SLC25A17: variants seen among roughly 807,000 people sequenced by gnomAD.
The protein encoded by SLC25A17 is peroxisomal membrane protein PMP34.
SLC25A17 carries 26 observed loss-of-function variants against 38.5 expected under a neutral mutation model. The ratio of observed to expected loss-of-function variants is 0.68; its 90% CI spans 0.50 to 0.94. The LOEUF is 0.94. Ranked by LOEUF, SLC25A17 falls within the 40% of genes least tolerant of loss-of-function variation. SLC25A17 has a pLI of 0.00. For missense variants in SLC25A17, 333 were observed against 372.7 expected (o/e 0.89, Z 0.88); for synonymous variants, 139 against 136.2 (o/e 1.02, Z -0.14).
rs1285747797 is a variant in SLC25A17 at position 40,799,183 on chromosome 22, G to A, written c.55-100C>T. The stretch of plus-strand genomic sequence containing the variant: ...ATCTTGCTCTGTCATCTAGGCTGGA[G>A]TGCAGTGGTTTACGGCAGCCTTGAA... On this transcript the variant is annotated intron_variant, in intron 1 of 8. Coordinates refer to ENST00000435456, the MANE Select transcript of SLC25A17 (RefSeq NM_006358.4). 5 of 616,838 alleles carry A rather than the reference G, an allele frequency of 8.1e-6. No individual in the cohort carries two copies. In the African/African-American group the frequency reaches 1.5e-4, roughly 19 times the overall value. 38.2% of individuals were successfully genotyped at this position (616,838 alleles called of 1,614,324 possible). A position where few individuals can be genotyped will look rare whatever the true frequency, so the allele number is the denominator to read the frequency against.
chr22:40,771,622 C>G (rs1033315579), intron 8 of SLC25A17, among the ~76,000 whole-genome samples: 5 of 152,040 alleles, frequency 3.3e-5, no homozygotes, highest in Non-Finnish European at 5.9e-5. Context: ...AGACAAATAT[C>G]GCATGTTCTC....
In SLC25A17 at chr22:40,789,918, G is replaced by A. The variant is rs2057370103; in HGVS notation, c.334+2607C>T. Among the ~76,000 whole-genome samples the A allele has an allele frequency of 6.6e-6, 1 of 151,812 alleles. No individual in the cohort carries two copies. ...GACCTCCCAAACTGCTGGGATTACAGGGGTGAGCCACCACACCTGGCCTTG... is the reference window on the plus strand; with the variant it reads ...GACCTCCCAAACTGCTGGGATTACAAGGGTGAGCCACCACACCTGGCCTTG... On this transcript the variant is annotated intron_variant, in intron 4 of 8. Transcript: ENST00000435456. This position sits in a 1 kb window ranked among gnomAD's most constrained non-coding sequence, Gnocchi z 4.5.
chr22:40,809,112 T>C (rs1381550184), intron 1 of SLC25A17, among the ~76,000 whole-genome samples: 2 of 152,202 alleles, frequency 1.3e-5, no homozygotes, highest in Non-Finnish European at 2.9e-5. Context: ...TTACCTTTTT[T>C]TTTTTGTAGA....
At chr22:40,771,943 C>A (rs1175797727) in intron 8 of SLC25A17, among the ~76,000 whole-genome samples, 2 of 151,408 alleles carry the variant, frequency 1.3e-5, no homozygotes, top group African/African-American at 4.9e-5. Context: ...CTTTGCATGC[C>A]TGTATCAAAA....
intron 8 of SLC25A17, among the ~76,000 whole-genome samples, chr22:40,772,850 G>A (rs2057199200): frequency 6.6e-6 from 1 of 152,068 alleles, no homozygotes; most frequent in Non-Finnish European, 1.5e-5. Flanking sequence ...CTTTGCCCAG[G>A]CTGGTCTTGA....
intron 1 of SLC25A17, among the ~76,000 whole-genome samples, chr22:40,811,259 G>GT (rs138316): frequency 0.71 from 103,489 of 145,730 alleles, 37,477 homozygotes; most frequent in African/African-American, 0.86. Context: ...TTTAATTTTT[G>GT]TTTTTTTTTT....
intron 7 of SLC25A17, among the ~76,000 whole-genome samples, chr22:40,775,197 T>C (rs191315234): frequency 8.6e-4 from 131 of 152,340 alleles, no homozygotes; most frequent in Non-Finnish European, 3.5e-4. Context: ...GTTTCCCTGC[T>C]GCTCTTGCAA....
Position 40,819,177 on chromosome 22 carries a change from G to A in SLC25A17, c.54+18C>T. 6.2e-7 allele frequency: 1 copy of A among 1,613,248 alleles called. No individual in the cohort carries two copies. The highest frequency in any genetic ancestry group is 1.3e-5 in the African/African-American group (1 of 74,976). On this transcript the variant is annotated intron_variant, in intron 1 of 8. Transcript: ENST00000435456. Reference sequence around the variant, plus strand: ...CCTTATAACCCGTTGCGGCCCGGGCGTAAAGACCCCGTCTCACCACGGCTC... The same window carrying A: ...CCTTATAACCCGTTGCGGCCCGGGCATAAAGACCCCGTCTCACCACGGCTC...
At chr22:40,819,137 C>G in intron 1 of SLC25A17, 58 bp downstream of exon 1, 1 of 1,579,760 alleles carries the variant, frequency 6.3e-7, no homozygotes, top group Non-Finnish European at 8.7e-7. Context: ...TATCCCGGGA[C>G]TGGCCCCCGA....
At chr22:40,778,136 T>C (rs2057263268) in intron 5 of SLC25A17, among the ~76,000 whole-genome samples, 1 of 152,226 alleles carries the variant, frequency 6.6e-6, no homozygotes, top group African/African-American at 2.4e-5. Context: ...TGTGGTACTA[T>C]TGAAAGGCAG....
intron 1 of SLC25A17, among the ~76,000 whole-genome samples, chr22:40,804,076 T>C (rs2057507995): frequency 6.6e-6 from 1 of 152,192 alleles, no homozygotes; most frequent in South Asian, 2.1e-4. Flanking sequence ...CACTGGGTTC[T>C]GCTTTCCTTA....
At chr22:40,809,040 C>T (rs1009400477) in intron 1 of SLC25A17, among the ~76,000 whole-genome samples, 1 of 151,480 alleles carries the variant, frequency 6.6e-6, no homozygotes, top group Admixed American at 6.6e-5. Context: ...CATCTTATGA[C>T]GTTTTGGAAA....
chr22:40,786,393 G>C (rs1230456442), intron 4 of SLC25A17, among the ~76,000 whole-genome samples: 1 of 152,070 alleles, frequency 6.6e-6, no homozygotes, highest in Non-Finnish European at 1.5e-5. Context: ...TGGTGGTGGA[G>C]AGGAAAGTAC....
chr22:40,777,309 T>G lies in SLC25A17; in HGVS notation c.516A>C (p.Ser172=), dbSNP rs748072213. The G allele has an allele frequency of 2.4e-5, 38 of 1,614,194 alleles. No homozygotes were observed. The East Asian group carries it at 6.5e-4, about 27-fold the overall frequency. ...ISALWNGTFP[S]LLLVFNPAIQ... ...TGGCAGGATTGAAGACCAACAGCAA[T>G]GAGGGAAATGTGCCATTCCATAAAG... The change falls in exon 6 of 9, where the codon TCA becomes TCC. Residue 172 remains serine, a synonymous_variant. Transcript: ENST00000435456.
At position 40,772,760 on chromosome 22, in the gene SLC25A17, G is replaced by A. The variant is rs192651180; in HGVS notation, c.776+1177C>T. Among the ~76,000 whole-genome samples the A allele has an allele frequency of 3.2e-3, 480 of 151,596 alleles. 2 individuals carry two copies. The highest frequency in any genetic ancestry group is 0.011 in the African/African-American group (457 of 41,268). On this transcript the variant is annotated intron_variant, in intron 8 of 8. Coordinates refer to ENST00000435456, the MANE Select transcript of SLC25A17 (RefSeq NM_006358.4). ...CAAGTGAATCTCCTGCTTCAGCCTC[G>A]TGTGTAGCTGTGATTACAGGTTTGT...
At chr22:40,808,221 A>C (rs2057546935) in intron 1 of SLC25A17, among the ~76,000 whole-genome samples, 1 of 152,216 alleles carries the variant, frequency 6.6e-6, no homozygotes. Context: ...ATCTCACTCA[A>C]AACATTTTTA....
intron 1 of SLC25A17, among the ~76,000 whole-genome samples, chr22:40,816,736 G>C (rs1227952563): frequency 6.6e-6 from 1 of 151,514 alleles, no homozygotes; most frequent in Admixed American, 6.6e-5. Flanking sequence ...TCAGCCTCCC[G>C]AGTAGCTGGG....
chr22:40,781,504 CA>C (rs1249888457), intron 4 of SLC25A17, among the ~76,000 whole-genome samples: 1 of 152,152 alleles, frequency 6.6e-6, no homozygotes, highest in Non-Finnish European at 1.5e-5. Context: ...CTCGGCCTCT[CA>C]AAGTGCTGGG....
intron 5 of SLC25A17, among the ~76,000 whole-genome samples, chr22:40,777,800 G>T (rs907086373): frequency 2.7e-5 from 4 of 146,958 alleles, no homozygotes; most frequent in East Asian, 2.0e-4. Context: ...AAAAAAAAAA[G>T]ATTTCTTTCT....
Sources: gnomAD v4.1 joint callset for allele counts (sites outside exome capture counted in the v4.1 genomes callset) on GRCh38, gnomAD v4.1.1 for gene constraint, Gnocchi (gnomAD v3.1) non-coding constraint, MANE v1.5 for transcripts, NCBI Gene and HGNC (gene_info 2026-07-23, HGNC 2026-07-21) for gene names.